Variants in TSPAN9 observed in about 807,000 individuals in gnomAD.
TSPAN9 encodes the protein tetraspanin-9.
In TSPAN9, 16 loss-of-function variants were observed where a neutral mutation model predicts 31.0. The observed-to-expected ratio is 0.52, with a 90% confidence interval of 0.35 to 0.78. TSPAN9 has a LOEUF of 0.78. Ranked by LOEUF, TSPAN9 falls within the 30% of genes least tolerant of loss-of-function variation. The probability of loss-of-function intolerance (pLI) is 0.01; values close to 1 mark genes in which losing one functional copy is unlikely to be tolerated. For missense variants in TSPAN9, 272 were observed against 312.5 expected (o/e 0.87, Z 0.98); for synonymous variants, 145 against 121.6 (o/e 1.19, Z -1.27).
At chr12:3,116,239 A>G (rs1340465796) in intron 2 of TSPAN9, among the ~76,000 whole-genome samples, 1 of 152,328 alleles carries the variant, frequency 6.6e-6, no homozygotes, top group South Asian at 2.1e-4. Context: ...ATAGCAGATC[A>G]GGATGCAGGC....
At chr12:3,247,568 A>G (rs1246269328) in intron 3 of TSPAN9, among the ~76,000 whole-genome samples, 2 of 152,194 alleles carry the variant, frequency 1.3e-5, no homozygotes, top group African/African-American at 2.4e-5. Flanking sequence ...TCCAGTCTAC[A>G]GAGTACCCGT....
intron 7 of TSPAN9, 28 bp downstream of exon 7, chr12:3,281,357 C>T (rs746181908): frequency 7.2e-6 from 11 of 1,536,480 alleles, no homozygotes; most frequent in Non-Finnish European, 7.9e-6. Context: ...CCGCTTGGGT[C>T]CAAGAGCCCG....
chr12:3,130,658 C>T (rs2098329422), intron 2 of TSPAN9, among the ~76,000 whole-genome samples: 1 of 152,160 alleles, frequency 6.6e-6, no homozygotes, highest in Non-Finnish European at 1.5e-5. Flanking sequence ...TGCTGCCTCA[C>T]CAGTGAGATG....
At chr12:3,117,100 A>G (rs1227842138) in intron 2 of TSPAN9, among the ~76,000 whole-genome samples, 3 of 152,178 alleles carry the variant, frequency 2.0e-5, no homozygotes, top group African/African-American at 7.2e-5. Context: ...GTCTCATTCT[A>G]AATTATGGAA....
intron 7 of TSPAN9, 59 bp downstream of exon 7, chr12:3,281,388 G>C (rs1862891872): frequency 6.6e-7 from 1 of 1,511,184 alleles, no homozygotes; most frequent in African/African-American, 1.4e-5. Context: ...CCCCGGCACG[G>C]GGAGCCCTAT....
Position 3,089,299 on chromosome 12 carries a change from A to T in TSPAN9, c.-18+5580A>T, listed in dbSNP as rs1362319902. ...TAGATTGTAGCAGAATTCAAGGTGA[A>T]TTTTTTTTTTTTTTTTGAGACAAGT... On this transcript the variant is annotated intron_variant, in intron 2 of 8. Transcript: ENST00000011898. Among the ~76,000 whole-genome samples, 6 of 128,872 alleles carry T rather than the reference A, an allele frequency of 4.7e-5. No homozygotes were observed. The South Asian group carries it at 1.0e-3, about 22-fold the overall frequency. 84.5% of individuals were successfully genotyped at this position (128,872 alleles called of 152,430 possible). A position where few individuals can be genotyped will look rare whatever the true frequency, so the allele number is the denominator to read the frequency against.
chr12:3,093,302 C>T (rs748708610), intron 2 of TSPAN9, among the ~76,000 whole-genome samples: 2 of 152,124 alleles, frequency 1.3e-5, no homozygotes, highest in East Asian at 1.9e-4. Flanking sequence ...GGGGGCCAGG[C>T]GTGGGGGGCA....
chr12:3,266,522 C>A (rs746099797), intron 3 of TSPAN9, among the ~76,000 whole-genome samples: 4 of 152,206 alleles, frequency 2.6e-5, no homozygotes, highest in African/African-American at 9.7e-5. Context: ...ACACGTTTGT[C>A]TGGGGAAACT....
chr12:3,110,661 C>A (rs10774116), intron 2 of TSPAN9, among the ~76,000 whole-genome samples: 56,236 of 152,064 alleles, frequency 0.37, 10,711 homozygotes, highest in Middle Eastern at 0.47. Context: ...TCCTTGCTGG[C>A]TGAATGAGTG....
At chr12:3,230,435 T>G (rs7296433) in intron 3 of TSPAN9, among the ~76,000 whole-genome samples, 2,584 of 152,178 alleles carry the variant, frequency 0.017, 79 homozygotes, top group African/African-American at 0.059. Flanking sequence ...TTTCCCTGCC[T>G]GCCTTCACCC....
intron 2 of TSPAN9, among the ~76,000 whole-genome samples, chr12:3,142,616 C>T (rs572377440): frequency 3.3e-5 from 5 of 152,294 alleles, no homozygotes; most frequent in Admixed American, 2.6e-4. Context: ...CAAAAGGCCA[C>T]GTTCCCTCCC....
At chr12:3,253,814 C>T (rs1862297616) in intron 3 of TSPAN9, among the ~76,000 whole-genome samples, 1 of 152,174 alleles carries the variant, frequency 6.6e-6, no homozygotes, top group African/African-American at 2.4e-5. Flanking sequence ...GTTCTGTCTG[C>T]TGTGCGTGGG....
At chr12:3,158,155 G>T (rs867141249) in intron 2 of TSPAN9, among the ~76,000 whole-genome samples, 2 of 152,172 alleles carry the variant, frequency 1.3e-5, no homozygotes, top group Non-Finnish European at 2.9e-5. Context: ...TCCCCTCGGA[G>T]CACAGGGCTT....
intron 3 of TSPAN9, among the ~76,000 whole-genome samples, chr12:3,207,110 G>A (rs1459589467): frequency 6.6e-6 from 1 of 152,070 alleles, no homozygotes; most frequent in Non-Finnish European, 1.5e-5. Context: ...AGTTCGGAGT[G>A]GGTTCCGAAG....
At chr12:3,223,814 G>A (rs1180956749) in intron 3 of TSPAN9, among the ~76,000 whole-genome samples, 2 of 152,186 alleles carry the variant, frequency 1.3e-5, no homozygotes, top group Non-Finnish European at 2.9e-5. Flanking sequence ...TCAGCCTAGG[G>A]GCTGATGGGG....
intron 2 of TSPAN9, among the ~76,000 whole-genome samples, chr12:3,092,695 C>A (rs1164565754): frequency 6.6e-6 from 1 of 152,170 alleles, no homozygotes; most frequent in Non-Finnish European, 1.5e-5. Context: ...TCCACCTTAC[C>A]CACTGCTTAT....
At chr12:3,095,698 G>T (rs1329623668) in intron 2 of TSPAN9, among the ~76,000 whole-genome samples, 1 of 151,532 alleles carries the variant, frequency 6.6e-6, no homozygotes, top group Non-Finnish European at 1.5e-5. Flanking sequence ...TTCCCAGATG[G>T]GGCGGCGGGG....
chr12:3,150,327 G>T (rs1202146525), intron 2 of TSPAN9, among the ~76,000 whole-genome samples: 2 of 152,146 alleles, frequency 1.3e-5, no homozygotes, highest in African/African-American at 2.4e-5. Context: ...GACTAAGGCC[G>T]CACAGTGAGT....
At chr12:3,088,452 T>TG (rs1490446312) in intron 2 of TSPAN9, among the ~76,000 whole-genome samples, 13 of 115,164 alleles carry the variant, frequency 1.1e-4, no homozygotes, top group Non-Finnish European at 2.3e-4. Context: ...TGGGTGGGGC[T>TG]GGGGGGGAAG....
Sources: gnomAD v4.1 joint callset for allele counts (sites outside exome capture counted in the v4.1 genomes callset) on GRCh38, gnomAD v4.1.1 for gene constraint, MANE v1.5 for transcripts, NCBI Gene and HGNC (gene_info 2026-07-23, HGNC 2026-07-21) for gene names.